Variants in CENPP observed in about 807,000 individuals in gnomAD.
The protein encoded by CENPP is centromere protein P.
CENPP carries 24 observed loss-of-function variants against 35.6 expected under a neutral mutation model. The ratio of observed to expected loss-of-function variants is 0.67; its 90% CI spans 0.49 to 0.95. CENPP has a LOEUF of 0.95. Ranked by LOEUF, CENPP falls within the 40% of genes least tolerant of loss-of-function variation. CENPP has a pLI of 0.00. For synonymous variants in CENPP, 120 were observed against 125.5 expected, an observed-to-expected ratio of 0.96 and a Z score of 0.29; for missense variants, 332 against 345.3, an observed-to-expected ratio of 0.96 and a Z score of 0.31.
chr9:92,454,419 G>A (rs1375427487), intron 5 of CENPP, among the ~76,000 whole-genome samples: 1 of 152,038 alleles, frequency 6.6e-6, no homozygotes. Context: ...TTTACCTTAT[G>A]ATTTTAATGA....
At chr9:92,358,416 G>A (rs1483982951) in intron 4 of CENPP, among the ~76,000 whole-genome samples, 1 of 151,802 alleles carries the variant, frequency 6.6e-6, no homozygotes, top group Non-Finnish European at 1.5e-5. Flanking sequence ...CTAATTTTTT[G>A]TATTTTTAGT....
intron 5 of CENPP, among the ~76,000 whole-genome samples, chr9:92,449,980 A>G (rs1844660431): frequency 6.6e-6 from 1 of 152,182 alleles, no homozygotes; most frequent in Non-Finnish European, 1.5e-5. Flanking sequence ...TTATTTGTAT[A>G]AGATAATTTT....
At chr9:92,606,315 T>C (rs1054805311) in intron 5 of CENPP, among the ~76,000 whole-genome samples, 1 of 152,112 alleles carries the variant, frequency 6.6e-6, no homozygotes, top group Non-Finnish European at 1.5e-5. Context: ...AAAGAAGGTA[T>C]ACAAATGACC....
chr9:92,403,617 G>C, intron 5 of CENPP: 1 of 1,208,696 alleles, frequency 8.3e-7, no homozygotes, highest in Non-Finnish European at 1.0e-6. Context: ...CAGTTTTTAT[G>C]TATCAGTGAA....
At chr9:92,342,618 G>A (rs1455338377) in intron 3 of CENPP, among the ~76,000 whole-genome samples, 1 of 152,218 alleles carries the variant, frequency 6.6e-6, no homozygotes, top group Non-Finnish European at 1.5e-5. Flanking sequence ...GGTAAACAAG[G>A]TGTTGGAAGA....
At position 92,347,501 on chromosome 9, in the gene CENPP, CTACGTG is replaced by C. The variant is rs1841325548; in HGVS notation, c.467+1717_467+1722del. ...GACCTGGATTTTATTCCAGATTCAA[CTACGTG>C]TAAGTTACCTCTCCTTTTGGAGTTT... On this transcript the variant is annotated intron_variant, in intron 4 of 7. Transcript: ENST00000375587. 6.6e-5 allele frequency among the ~76,000 whole-genome samples: 10 copies of C among 152,330 alleles called. No individual in the cohort carries two copies. The South Asian group carries it at 2.1e-3, about 32-fold the overall frequency.
At chr9:92,552,019 G>T (rs1487504316) in intron 5 of CENPP, among the ~76,000 whole-genome samples, 2 of 137,098 alleles carry the variant, frequency 1.5e-5, no homozygotes, top group African/African-American at 2.8e-5. Context: ...TATATGATAT[G>T]ATAGATCTAT....
At chr9:92,490,073 TC>T (rs2131119260) in intron 5 of CENPP, among the ~76,000 whole-genome samples, 1 of 152,368 alleles carries the variant, frequency 6.6e-6, no homozygotes, top group African/African-American at 2.4e-5. Context: ...CTCACCAGTT[TC>T]CTGTAGTCTG....
rs1851368646 is a variant in CENPP at position 92,614,454 on chromosome 9, A to C, written c.*1305A>C. On this transcript the variant is annotated 3_prime_UTR_variant, in exon 8 of 8. Transcript: ENST00000375587. ...TGAGACGGTGTCATTGGAAGTGAGA[A>C]GAAAACAGTAAAAGTGTCCAGTTAG... 6.6e-6 allele frequency: 1 copy of C among 152,498 alleles called. No individual in the cohort carries two copies. Among genetic ancestry groups the C allele is most frequent in the African/African-American group, 2.4e-5 (1 of 41,472 alleles). 9.4% of individuals were successfully genotyped at this position (152,498 alleles called of 1,614,324 possible).
At chr9:92,377,274 TTC>T (rs1842145946) in intron 4 of CENPP, among the ~76,000 whole-genome samples, 1 of 152,184 alleles carries the variant, frequency 6.6e-6, no homozygotes. Context: ...CCTAAATAAT[TTC>T]TTTCTAGCTC....
At chr9:92,340,549 G>A (rs1588040271) in intron 3 of CENPP, 1 of 152,862 alleles carries the variant, frequency 6.5e-6, no homozygotes, top group Non-Finnish European at 1.5e-5. Flanking sequence ...TGGAGGGACT[G>A]GCTGAAGCCA....
chr9:92,581,324 G>A (rs1465210127), intron 5 of CENPP, among the ~76,000 whole-genome samples: 1 of 151,970 alleles, frequency 6.6e-6, no homozygotes, highest in African/African-American at 2.4e-5. Context: ...CATTCTATAA[G>A]ACATACATTA....
rs1395109719 is a variant in CENPP, at chr9:92,614,484, G to GTATC, written c.*1337_*1340dup. ...ACAGTAAAAGTGTCCAGTTAGATAA[G>GTATC]TATCTTTTTGCACCTCTGAGAGTAG... On this transcript the variant is annotated 3_prime_UTR_variant, in exon 8 of 8. Transcript: ENST00000375587. 2 of 152,640 alleles carry GTATC rather than the reference G, an allele frequency of 1.3e-5. No homozygotes were observed. Among genetic ancestry groups the GTATC allele is most frequent in the South Asian group, 2.1e-4 (1 of 4,834 alleles). 9.5% of individuals were successfully genotyped at this position (152,640 alleles called of 1,614,324 possible).
At chr9:92,344,948 C>A (rs866966325) in intron 3 of CENPP, among the ~76,000 whole-genome samples, 1 of 151,522 alleles carries the variant, frequency 6.6e-6, no homozygotes, top group African/African-American at 2.4e-5. Context: ...ACGGGGGGAT[C>A]AGGAGGTCAA....
chr9:92,336,511 T>C (rs1043811294), intron 2 of CENPP, among the ~76,000 whole-genome samples: 1 of 152,220 alleles, frequency 6.6e-6, no homozygotes, highest in African/African-American at 2.4e-5. Context: ...CCATGTGCTA[T>C]CTAGTGCATC....
At chr9:92,536,216 G>T in intron 5 of CENPP, 1 of 339,444 alleles carries the variant, frequency 2.9e-6, no homozygotes, top group Non-Finnish European at 5.6e-6. Flanking sequence ...CAGTGGGTGT[G>T]GGGGAAGAGC....
At chr9:92,562,373 T>G (rs1849870461) in intron 5 of CENPP, among the ~76,000 whole-genome samples, 1 of 151,764 alleles carries the variant, frequency 6.6e-6, no homozygotes, top group Non-Finnish European at 1.5e-5. Flanking sequence ...CCCAGCTAAT[T>G]TTTTGTATTT....
chr9:92,441,513 C>T (rs1380654904), intron 5 of CENPP, among the ~76,000 whole-genome samples: 2 of 152,160 alleles, frequency 1.3e-5, no homozygotes, highest in African/African-American at 2.4e-5. Context: ...AATCCCCACA[C>T]TTTGGGAGGC....
chr9:92,373,004 G>GT (rs1319409334), intron 4 of CENPP, among the ~76,000 whole-genome samples: 1 of 152,046 alleles, frequency 6.6e-6, no homozygotes, highest in African/African-American at 2.4e-5. Flanking sequence ...GACTTGGGAA[G>GT]TTTTCATCTG....
Sources: allele counts gnomAD v4.1 joint callset (sites outside exome capture counted in the v4.1 genomes callset), GRCh38; gene constraint gnomAD v4.1.1; transcripts MANE v1.5; gene names NCBI Gene and HGNC (gene_info 2026-07-23, HGNC 2026-07-21).